The following EFCAB5 variants were observed in gnomAD, a reference collection of about 807,000 sequenced individuals.
The protein encoded by EFCAB5 is EF-hand calcium-binding domain-containing protein 5.
EFCAB5 carries 131 observed loss-of-function variants against 167.9 expected under a neutral mutation model. The observed-to-expected ratio is 0.78, with a 90% CI of 0.68 to 0.90. EFCAB5 has a LOEUF of 0.90. Among genes scored for constraint, EFCAB5 ranks in the 40% least tolerant of loss-of-function variants. EFCAB5 has a pLI of 0.00. For missense variants in EFCAB5, 1,663 were observed against 1,745.2 expected (o/e 0.95, Z 0.84); for synonymous variants, 574 against 602.8 (o/e 0.95, Z 0.70).
At chr17:30,049,479 CAAAACA>C (rs558045566) in intron 8 of EFCAB5, among the ~76,000 whole-genome samples, 1 of 141,260 alleles carries the variant, frequency 7.1e-6, no homozygotes, top group African/African-American at 2.6e-5. Flanking sequence ...GACTGTGTCT[CAAAACA>C]AAAACAAAAA....
At chr17:30,032,706 A>C (rs1030268946) in intron 7 of EFCAB5, among the ~76,000 whole-genome samples, 8 of 152,192 alleles carry the variant, frequency 5.3e-5, no homozygotes, top group African/African-American at 1.7e-4. Flanking sequence ...AAAAGCATGT[A>C]GTTTTTGCCA....
At chr17:29,989,154 T>C (rs1183595525) in intron 4 of EFCAB5, among the ~76,000 whole-genome samples, 1 of 152,228 alleles carries the variant, frequency 6.6e-6, no homozygotes, top group Non-Finnish European at 1.5e-5. Flanking sequence ...ATATGGTTAC[T>C]TTCTGTGGCA....
At chr17:30,055,788 G>GTGTTCTATATGCAA in intron 10 of EFCAB5, 100 bp from the exon 11 acceptor site, 1 of 1,222,368 alleles carries the variant, frequency 8.2e-7, no homozygotes, top group East Asian at 2.4e-5. Flanking sequence ...AGAGTTTTTG[G>GTGTTCTATATGCAA]TGTTCTATAT....
chr17:30,103,078 C>G (rs1453343624), intron 22 of EFCAB5, among the ~76,000 whole-genome samples: 1 of 152,060 alleles, frequency 6.6e-6, no homozygotes, highest in Non-Finnish European at 1.5e-5. Flanking sequence ...AGCAATCCAC[C>G]TGCCTTGTCC....
intron 18 of EFCAB5, among the ~76,000 whole-genome samples, chr17:30,084,610 GAC>G (rs1241663099): frequency 6.6e-6 from 1 of 152,140 alleles, no homozygotes; most frequent in Non-Finnish European, 1.5e-5. Flanking sequence ...GTGGGGCAGA[GAC>G]CAGAACAGCC....
intron 3 of EFCAB5, among the ~76,000 whole-genome samples, chr17:29,947,049 C>T (rs1226755247): frequency 6.6e-6 from 1 of 151,778 alleles, no homozygotes; most frequent in Non-Finnish European, 1.5e-5. Flanking sequence ...TGGCAGGTGC[C>T]TGTAGTCCCA....
chr17:30,099,854 C>T (rs942973749), intron 22 of EFCAB5, among the ~76,000 whole-genome samples: 14 of 152,134 alleles, frequency 9.2e-5, no homozygotes, highest in Middle Eastern at 3.4e-3. Context: ...GCCCACAGAG[C>T]GCGTTCCCTC....
chr17:30,096,836 C>T (rs1446539143), intron 22 of EFCAB5, among the ~76,000 whole-genome samples: 17 of 139,590 alleles, frequency 1.2e-4, no homozygotes, highest in South Asian at 2.3e-4. Context: ...CGTGCCACCA[C>T]GCTTGGCTAA....
At position 29,969,015 on chromosome 17, in the gene EFCAB5, C is replaced by A. The variant is rs1597596533; in HGVS notation, c.415C>A (p.Leu139Met). The A allele has an allele frequency of 6.3e-7, 1 of 1,591,304 alleles. No individual in the cohort carries two copies. Among genetic ancestry groups the A allele is most frequent in the Non-Finnish European group, 8.5e-7 (1 of 1,170,520 alleles). Residue 139 changes from leucine (L) to methionine (M), a missense_variant, in exon 4 of 23, where the codon CTG becomes ATG. Leu to Met is a conservative substitution (Grantham distance 15, BLOSUM62 2). Transcript: ENST00000394835. ...GCAGAAAATAATAGATAAGGAAAATCTGAAGAAGGAACTAGAAAAAAAGGC... is the reference window on the plus strand; with the variant it reads ...GCAGAAAATAATAGATAAGGAAAATATGAAGAAGGAACTAGAAAAAAAGGC... ...MQQKIIDKENLKKELEKKAEK... is the reference protein window; with the variant it reads ...MQQKIIDKENMKKELEKKAEK...
intron 7 of EFCAB5, among the ~76,000 whole-genome samples, chr17:30,015,893 C>G (rs938519953): frequency 6.6e-6 from 1 of 151,960 alleles, no homozygotes; most frequent in Admixed American, 6.6e-5. Context: ...ATTCTCCTGC[C>G]TCAGCTTTCC....
At chr17:30,034,838 T>C (rs1258143864) in intron 8 of EFCAB5, among the ~76,000 whole-genome samples, 1 of 152,174 alleles carries the variant, frequency 6.6e-6, no homozygotes, top group African/African-American at 2.4e-5. Context: ...CCAAACACAC[T>C]ATTAACAATG....
At chr17:30,027,459 G>A (rs750635628) in intron 7 of EFCAB5, among the ~76,000 whole-genome samples, 5 of 151,996 alleles carry the variant, frequency 3.3e-5, no homozygotes, top group Non-Finnish European at 5.9e-5. Context: ...ATGGAATGAT[G>A]ACAGAAAGAT....
In EFCAB5 at chr17:30,080,155, T is replaced by C. The variant is rs374267987; in HGVS notation, c.3111T>C (p.Asn1037=). ...ACCTACTACTGCCTGAGAAAGGGAA[T>C]GTTCTATTGAGGAATGTGGCTTGTA... is the stretch of plus-strand genomic sequence containing the variant. The part of the protein sequence containing the change: ...EENLLLPEKG[N]VLLRNVACTL... Residue 1037 remains asparagine, a synonymous_variant, in exon 16 of 23, where the codon AAT becomes AAC. Coordinates refer to ENST00000394835, the MANE Select transcript of EFCAB5 (RefSeq NM_198529.4). The C allele has an allele frequency of 6.2e-7, 1 of 1,613,806 alleles. No homozygotes were observed. Among genetic ancestry groups the C allele is most frequent in the Non-Finnish European group, 8.5e-7 (1 of 1,179,852 alleles).
At chr17:30,061,534 T>C (rs1287366980) in intron 14 of EFCAB5, among the ~76,000 whole-genome samples, 3 of 152,194 alleles carry the variant, frequency 2.0e-5, no homozygotes, top group Non-Finnish European at 4.4e-5. Context: ...GGAAGATTTC[T>C]ATATGGAAGA....
At chr17:29,948,715 T>C (rs2067452820) in intron 3 of EFCAB5, among the ~76,000 whole-genome samples, 1 of 152,214 alleles carries the variant, frequency 6.6e-6, no homozygotes, top group Non-Finnish European at 1.5e-5. Context: ...TGGTTAAATA[T>C]ATCATGTCAG....
At chr17:30,006,966 A>AT (rs1438342215) in intron 7 of EFCAB5, among the ~76,000 whole-genome samples, 7 of 152,154 alleles carry the variant, frequency 4.6e-5, no homozygotes, top group South Asian at 2.1e-4. Context: ...TGAATGAGAG[A>AT]TTTTTTAGTG....
At chr17:29,957,222 CT>C (rs1411022530) in intron 3 of EFCAB5, among the ~76,000 whole-genome samples, 1 of 152,036 alleles carries the variant, frequency 6.6e-6, no homozygotes, top group Non-Finnish European at 1.5e-5. Flanking sequence ...TGGTTTTTGT[CT>C]TTCATTCTGT....
chr17:29,959,013 C>A (rs1309953649), intron 3 of EFCAB5, among the ~76,000 whole-genome samples: 1 of 152,198 alleles, frequency 6.6e-6, no homozygotes, highest in East Asian at 1.9e-4. Flanking sequence ...CTGTCTCTCT[C>A]TCTGTGCTGA....
intron 7 of EFCAB5, among the ~76,000 whole-genome samples, chr17:30,003,164 T>C (rs2068700586): frequency 6.6e-6 from 1 of 151,894 alleles, no homozygotes; most frequent in African/African-American, 2.4e-5. Flanking sequence ...TTCAAGTCCA[T>C]TGATTCCTTC....
Sources: allele counts gnomAD v4.1 joint callset (sites outside exome capture counted in the v4.1 genomes callset), GRCh38; gene constraint gnomAD v4.1.1; transcripts MANE v1.5; gene names NCBI Gene and HGNC (gene_info 2026-07-23, HGNC 2026-07-21).